Variants in ZDHHC17 observed in about 807,000 individuals in gnomAD.
ZDHHC17 encodes the protein zDHHC palmitoyltransferase 17.
A neutral mutation model predicts 90.3 loss-of-function variants in ZDHHC17; 40 were observed. The ratio of observed to expected loss-of-function variants is 0.44; its 90% CI spans 0.34 to 0.58. ZDHHC17 has a LOEUF of 0.58. Among genes scored for constraint, ZDHHC17 ranks in the 20% least tolerant of loss-of-function variants. ZDHHC17 has a pLI of 0.01. For synonymous variants in ZDHHC17, 235 were observed against 252.4 expected (o/e 0.93, Z 0.65); for missense variants, 614 against 780.8 (o/e 0.79, Z 2.55).
At position 76,849,601 on chromosome 12, in the gene ZDHHC17, T is replaced by A. The variant is rs73146857; in HGVS notation, c.1760+131T>A. The A allele has an allele frequency of 1.1e-3, 611 of 576,420 alleles. 6 individuals are homozygous for A. Among genetic ancestry groups the A allele is most frequent in the South Asian group, 5.9e-3 (240 of 40,988 alleles). The allele number at this position is 576,420 out of a possible 1,614,324, so 35.7% of individuals were successfully genotyped here. A position where few individuals can be genotyped will look rare whatever the true frequency, so the allele number is the denominator to read the frequency against. The stretch of plus-strand genomic sequence containing the variant: ...AAGATTTCTGTAGAAATAGCATCAG[T>A]TCACCATAATAACAACAAAACAGAA... On this transcript the variant is annotated intron_variant, in intron 16 of 16. Transcript: ENST00000426126.
chr12:76,779,284 G>A (rs117773815), intron 1 of ZDHHC17, among the ~76,000 whole-genome samples: 1,679 of 152,154 alleles, frequency 0.011, 11 homozygotes, highest in Non-Finnish European at 0.017. Flanking sequence ...CTTTGTATTA[G>A]TCTGTTCTCA....
intron 12 of ZDHHC17, among the ~76,000 whole-genome samples, 196 bp downstream of exon 12, chr12:76,843,177 A>G (rs2137803641): frequency 6.6e-6 from 1 of 152,202 alleles, no homozygotes; most frequent in East Asian, 1.9e-4. Flanking sequence ...CCTTGACTGT[A>G]CTTTTGATTC....
chr12:76,842,244 T>A, intron 11 of ZDHHC17, 138 bp downstream of exon 11: 1 of 933,770 alleles, frequency 1.1e-6, no homozygotes. Context: ...ATGTATCTTT[T>A]ATTTGGTGCT....
At chr12:76,788,497 C>T (rs1469677134) in intron 1 of ZDHHC17, among the ~76,000 whole-genome samples, 1 of 151,948 alleles carries the variant, frequency 6.6e-6, no homozygotes, top group East Asian at 1.9e-4. Context: ...ATATTGAAAG[C>T]ATAAATGAAC....
intron 2 of ZDHHC17, among the ~76,000 whole-genome samples, 196 bp from the exon 3 acceptor site, chr12:76,805,121 G>A (rs995344902): frequency 6.6e-6 from 1 of 152,054 alleles, no homozygotes. Context: ...TCTTATAAGT[G>A]AGACATTTTA....
At chr12:76,785,049 C>T (rs895949434) in intron 1 of ZDHHC17, among the ~76,000 whole-genome samples, 1 of 152,166 alleles carries the variant, frequency 6.6e-6, no homozygotes, top group Non-Finnish European at 1.5e-5. Context: ...AATGCTCCTG[C>T]TAATTTCTCT....
chr12:76,827,399 T>C (rs918862423), intron 9 of ZDHHC17, among the ~76,000 whole-genome samples: 2 of 152,184 alleles, frequency 1.3e-5, no homozygotes, highest in African/African-American at 2.4e-5. Flanking sequence ...ATAGGAATTA[T>C]ATTTTCCTGT....
chr12:76,764,183 C>T lies in ZDHHC17; in HGVS notation c.-54C>T, dbSNP rs950351626. On this transcript the variant is annotated 5_prime_UTR_variant, in exon 1 of 17. Coordinates refer to ENST00000426126, the MANE Select transcript of ZDHHC17 (RefSeq NM_015336.4). ...TCCGGCGGGGCTCGCGCTCGCCCCGCGCTCGCCCTCCGCCTCGCCCGAGCC... is the reference window on the plus strand; with the variant it reads ...TCCGGCGGGGCTCGCGCTCGCCCCGTGCTCGCCCTCCGCCTCGCCCGAGCC... 3.7e-5 allele frequency: 53 copies of T among 1,418,142 alleles called. No homozygotes were observed. In the Admixed American group the frequency reaches 1.2e-3, roughly 32 times the overall value. 87.8% of individuals were successfully genotyped at this position (1,418,142 alleles called of 1,614,324 possible). A position where few individuals can be genotyped will look rare whatever the true frequency, so the allele number is the denominator to read the frequency against.
At chr12:76,785,836 A>G (rs1236718070) in intron 1 of ZDHHC17, among the ~76,000 whole-genome samples, 1 of 152,182 alleles carries the variant, frequency 6.6e-6, no homozygotes, top group African/African-American at 2.4e-5. Context: ...GTAGAAGGGA[A>G]TGGTGGATAC....
intron 10 of ZDHHC17, among the ~76,000 whole-genome samples, chr12:76,830,667 G>A (rs1394398054): frequency 6.6e-6 from 1 of 152,068 alleles, no homozygotes; most frequent in Non-Finnish European, 1.5e-5. Flanking sequence ...AATGACTTTA[G>A]TATTCCAGAC....
chr12:76,849,118 T>TA (rs1035048447), intron 15 of ZDHHC17, among the ~76,000 whole-genome samples: 2,283 of 48,198 alleles, frequency 0.047, 24 homozygotes, highest in Middle Eastern at 0.067. Flanking sequence ...ACCCTATCTC[T>TA]AAAAAAAAAA....
chr12:76,798,354 A>T (rs983010775), intron 2 of ZDHHC17, among the ~76,000 whole-genome samples: 1 of 152,192 alleles, frequency 6.6e-6, no homozygotes, highest in Non-Finnish European at 1.5e-5. Context: ...AAGTTGAAAT[A>T]ACAACAGTTA....
chr12:76,837,760 T>A (rs918214756), intron 10 of ZDHHC17, among the ~76,000 whole-genome samples: 2 of 152,206 alleles, frequency 1.3e-5, no homozygotes, highest in Non-Finnish European at 2.9e-5. Context: ...AAACTATCCA[T>A]GTGTTGAATT....
chr12:76,775,210 CTGAT>C (rs1565758803), intron 1 of ZDHHC17, among the ~76,000 whole-genome samples: 1 of 152,216 alleles, frequency 6.6e-6, no homozygotes, highest in African/African-American at 2.4e-5. Flanking sequence ...AGTTTGATTA[CTGAT>C]TGTTTTCTGA....
chr12:76,802,703 A>G (rs1046803706), intron 2 of ZDHHC17, among the ~76,000 whole-genome samples: 5 of 152,178 alleles, frequency 3.3e-5, no homozygotes, highest in African/African-American at 7.2e-5. Context: ...CTGTCTTTGA[A>G]GACATTTCTG....
At chr12:76,832,876 A>G (rs1953320825) in intron 10 of ZDHHC17, among the ~76,000 whole-genome samples, 1 of 152,222 alleles carries the variant, frequency 6.6e-6, no homozygotes, top group African/African-American at 2.4e-5. Flanking sequence ...CTCAGCTGAG[A>G]ATGTGCACAT....
chr12:76,843,570 G>A (rs547341190), intron 12 of ZDHHC17, among the ~76,000 whole-genome samples: 260 of 152,068 alleles, frequency 1.7e-3, no homozygotes, highest in Non-Finnish European at 3.3e-3. Context: ...GTCAGGTATA[G>A]CACTATTGAG....
intron 1 of ZDHHC17, among the ~76,000 whole-genome samples, chr12:76,789,988 G>T (rs1219879856): frequency 6.6e-6 from 1 of 152,134 alleles, no homozygotes; most frequent in Non-Finnish European, 1.5e-5. Flanking sequence ...AATGAACTCT[G>T]CACAAAGTAT....
At chr12:76,844,783 G>T (rs1874301) in intron 12 of ZDHHC17, 91,103 of 151,910 alleles carry the variant, frequency 0.6, 27,373 homozygotes, top group East Asian at 0.67. Context: ...CAAACTAATG[G>T]AGAAATGGCA....
Sources: allele counts gnomAD v4.1 joint callset (sites outside exome capture counted in the v4.1 genomes callset), GRCh38; gene constraint gnomAD v4.1.1; transcripts MANE v1.5; gene names NCBI Gene and HGNC (gene_info 2026-07-23, HGNC 2026-07-21).